The following GALNTL6 variants were observed in gnomAD, a reference collection of about 807,000 sequenced individuals.
GALNTL6 encodes the protein polypeptide N-acetylgalactosaminyltransferase like 6, also known as polypeptide N-acetylgalactosaminyltransferase-like 6.
In GALNTL6, 46 loss-of-function variants were observed where a neutral mutation model predicts 73.7. The ratio of observed to expected loss-of-function variants is 0.62; its 90% CI spans 0.49 to 0.80. The LOEUF is 0.80. GALNTL6 is among the 30% of genes least tolerant of loss of function. The pLI, the probability that GALNTL6 is intolerant of heterozygous loss-of-function variation, is 0.00. For synonymous variants in GALNTL6, 259 were observed against 263.7 expected (o/e 0.98, Z 0.17); for missense variants, 604 against 755.0 (o/e 0.80, Z 2.34).
At chr4:172,201,507 GT>G (rs61645969) in intron 2 of GALNTL6, among the ~76,000 whole-genome samples, 5,563 of 144,228 alleles carry the variant, frequency 0.039, 314 homozygotes, top group African/African-American at 0.13. Context: ...ACCGGGACTA[GT>G]TTTTTTTTTT....
chr4:171,923,542 T>C (rs10009436), intron 2 of GALNTL6, among the ~76,000 whole-genome samples: 86,265 of 149,664 alleles, frequency 0.58, 27,255 homozygotes, highest in African/African-American at 0.85. Flanking sequence ...GGACTACAGG[T>C]GCCCGGCACC....
rs918625817 is a variant in GALNTL6 at position 172,877,255 on chromosome 4, T to G, written c.924-5535T>G. The stretch of plus-strand genomic sequence containing the variant: ...AGATGCATTAAAACTTGAAATAATG[T>G]CTGAAAATGTGAGAAAGTAGGCAAG... On this transcript the variant is annotated intron_variant, in intron 7 of 12. Transcript: ENST00000506823. Among the ~76,000 whole-genome samples, 4 of 152,146 alleles carry G rather than the reference T, an allele frequency of 2.6e-5. 1 individual carries two copies. The highest frequency in any genetic ancestry group is 9.7e-5 in the African/African-American group (4 of 41,438).
chr4:171,880,420 C>T (rs910151368), intron 2 of GALNTL6, among the ~76,000 whole-genome samples: 2 of 152,144 alleles, frequency 1.3e-5, no homozygotes, highest in Admixed American at 6.5e-5. Flanking sequence ...GTTTGTTATT[C>T]CTTATTCTGC....
intron 2 of GALNTL6, among the ~76,000 whole-genome samples, chr4:172,124,524 T>A (rs1274924390): frequency 6.6e-6 from 1 of 152,176 alleles, no homozygotes; most frequent in Non-Finnish European, 1.5e-5. Context: ...ATAAATAAAG[T>A]ACATGACTGT....
chr4:172,763,990 C>A (rs1229009595), intron 5 of GALNTL6, among the ~76,000 whole-genome samples: 1 of 141,838 alleles, frequency 7.1e-6, no homozygotes, highest in Non-Finnish European at 1.5e-5. Context: ...CGGAGTTTCA[C>A]CCTTGTTGCC....
At chr4:172,593,214 C>T (rs1737720584) in intron 5 of GALNTL6, among the ~76,000 whole-genome samples, 2 of 152,266 alleles carry the variant, frequency 1.3e-5, no homozygotes, top group Admixed American at 6.5e-5. Flanking sequence ...TCAAACATAA[C>T]TTACAATAGA....
intron 5 of GALNTL6, among the ~76,000 whole-genome samples, chr4:172,384,475 G>T (rs1743391263): frequency 6.6e-6 from 1 of 151,302 alleles, no homozygotes; most frequent in Non-Finnish European, 1.5e-5. Context: ...TTCCTGATTT[G>T]TAATTTACAT....
chr4:172,577,852 C>G (rs1279804903), intron 5 of GALNTL6, among the ~76,000 whole-genome samples: 1 of 152,160 alleles, frequency 6.6e-6, no homozygotes, highest in Non-Finnish European at 1.5e-5. Flanking sequence ...TATATACAAA[C>G]TGCTCCCCAC....
intron 2 of GALNTL6, among the ~76,000 whole-genome samples, chr4:172,168,001 C>A (rs2110811494): frequency 6.6e-6 from 1 of 151,592 alleles, no homozygotes; most frequent in South Asian, 2.1e-4. Flanking sequence ...ATTTCTGAGG[C>A]CAAATCCAAT....
At chr4:172,521,345 C>T (rs1335636822) in intron 5 of GALNTL6, among the ~76,000 whole-genome samples, 1 of 152,124 alleles carries the variant, frequency 6.6e-6, no homozygotes, top group Non-Finnish European at 1.5e-5. Context: ...CATTTTACCA[C>T]AAACAGAACT....
At chr4:172,183,082 T>C (rs1312838628) in intron 2 of GALNTL6, among the ~76,000 whole-genome samples, 1 of 152,210 alleles carries the variant, frequency 6.6e-6, no homozygotes, top group African/African-American at 2.4e-5. Flanking sequence ...TTGGGACATA[T>C]TTAGTACATA....
At chr4:172,358,614 G>T (rs1378548478) in intron 5 of GALNTL6, among the ~76,000 whole-genome samples, 1 of 152,104 alleles carries the variant, frequency 6.6e-6, no homozygotes, top group Non-Finnish European at 1.5e-5. Flanking sequence ...GCCCAGGGAA[G>T]CCAAAAGATT....
chr4:172,015,478 G>C (rs994022373), intron 2 of GALNTL6, among the ~76,000 whole-genome samples: 1 of 152,034 alleles, frequency 6.6e-6, no homozygotes, highest in Non-Finnish European at 1.5e-5. Flanking sequence ...CAGATACTTG[G>C]TTGATGGATT....
intron 5 of GALNTL6, among the ~76,000 whole-genome samples, chr4:172,746,569 T>G (rs1034249167): frequency 6.6e-6 from 1 of 152,110 alleles, no homozygotes; most frequent in African/African-American, 2.4e-5. Flanking sequence ...ATAGTTAATA[T>G]TTTGCAGTTC....
chr4:172,024,842 T>C (rs1293628108), intron 2 of GALNTL6, among the ~76,000 whole-genome samples: 1 of 150,806 alleles, frequency 6.6e-6, no homozygotes, highest in African/African-American at 2.4e-5. Context: ...CTCCCTTCTT[T>C]CGCTTATTCC....
intron 5 of GALNTL6, among the ~76,000 whole-genome samples, chr4:172,739,307 C>G (rs1370575): frequency 0.96 from 146,440 of 152,254 alleles, 70,684 homozygotes; most frequent in East Asian, 1. Flanking sequence ...ATGTAACTTT[C>G]TAAGGTATGT....
chr4:172,930,526 A>G (rs1482476593), intron 8 of GALNTL6, among the ~76,000 whole-genome samples: 1 of 152,166 alleles, frequency 6.6e-6, no homozygotes, highest in Non-Finnish European at 1.5e-5. Flanking sequence ...TCTTCAAATG[A>G]TTTTACAAGA....
chr4:172,210,290 G>C (rs1736279936), intron 2 of GALNTL6, among the ~76,000 whole-genome samples: 1 of 152,046 alleles, frequency 6.6e-6, no homozygotes, highest in Admixed American at 6.6e-5. Flanking sequence ...TAATGAAGCA[G>C]TATTGATATA....
At chr4:172,396,056 G>A (rs1475998830) in intron 5 of GALNTL6, among the ~76,000 whole-genome samples, 1 of 152,044 alleles carries the variant, frequency 6.6e-6, no homozygotes, top group Non-Finnish European at 1.5e-5. Flanking sequence ...AAACACTCCA[G>A]CATACCCACA....
Sources: allele counts gnomAD v4.1 joint callset (sites outside exome capture counted in the v4.1 genomes callset), GRCh38; gene constraint gnomAD v4.1.1; transcripts MANE v1.5; gene names NCBI Gene and HGNC (gene_info 2026-07-23, HGNC 2026-07-21).